Variants in NPAS2 observed in about 807,000 individuals in gnomAD.
NPAS2 encodes the protein neuronal PAS domain-containing protein 2.
In NPAS2, 23 loss-of-function variants were observed where a neutral mutation model predicts 107.5. The observed-to-expected ratio is 0.21, with a 90% confidence interval of 0.15 to 0.30. NPAS2 has a LOEUF of 0.30. NPAS2 is among the 10% of genes least tolerant of loss of function. NPAS2 has a pLI of 1.00. For missense variants in NPAS2, 756 were observed against 1,043.3 expected (o/e 0.72, Z 3.79); for synonymous variants, 403 against 417.5 (o/e 0.97, Z 0.42).
chr2:100,885,586 TTAAG>T (rs1207817451), intron 1 of NPAS2, among the ~76,000 whole-genome samples: 36 of 152,338 alleles, frequency 2.4e-4, no homozygotes, highest in Admixed American at 1.0e-3. Flanking sequence ...AATTGCTTAC[TTAAG>T]TAAGTCAAGT....
chr2:100,931,202 C>A (rs1010033019), intron 3 of NPAS2, among the ~76,000 whole-genome samples: 1 of 152,192 alleles, frequency 6.6e-6, no homozygotes. Flanking sequence ...CCTCCAGGGG[C>A]CCTCTCAGTG....
rs13418790 is a variant in NPAS2 at position 100,898,848 on chromosome 2, T to C, written c.-22-5885T>C. ...ACACATTGTGCATATTACATGTAAA[T>C]GTAACTAACATACCTCTTATGAGTG... On this transcript the variant is annotated intron_variant, in intron 1 of 20. Transcript: ENST00000335681. Among the ~76,000 whole-genome samples, 1,258 of 151,532 alleles carry C rather than the reference T, an allele frequency of 8.3e-3. 7 individuals carry two copies. Among genetic ancestry groups the C allele is most frequent in the African/African-American group, 0.029 (1,185 of 41,264 alleles).
intron 3 of NPAS2, among the ~76,000 whole-genome samples, chr2:100,925,975 G>A (rs1573635637): frequency 2.0e-5 from 3 of 152,038 alleles, no homozygotes; most frequent in Admixed American, 6.6e-5. Flanking sequence ...TGGCAACCAC[G>A]AATCTGTTTT....
intron 2 of NPAS2, among the ~76,000 whole-genome samples, chr2:100,910,503 A>AC (rs1285830687): frequency 2.1e-5 from 3 of 146,262 alleles, no homozygotes; most frequent in African/African-American, 7.5e-5. Flanking sequence ...TTTTCTCCCC[A>AC]CACAGCCAGA....
At chr2:100,937,969 A>G in intron 5 of NPAS2, 127 bp downstream of exon 5, 1 of 793,926 alleles carries the variant, frequency 1.3e-6, no homozygotes, top group South Asian at 1.4e-5. Flanking sequence ...CGGAGAGTAA[A>G]GGACTGCTGA....
At chr2:100,851,493 A>G (rs1179137363) in intron 1 of NPAS2, among the ~76,000 whole-genome samples, 1 of 152,226 alleles carries the variant, frequency 6.6e-6, no homozygotes, top group Non-Finnish European at 1.5e-5. Context: ...AGTAAGCCCA[A>G]CTCAAGGAAA....
At chr2:100,951,835 A>G (rs1191982202) in intron 7 of NPAS2, among the ~76,000 whole-genome samples, 1 of 152,054 alleles carries the variant, frequency 6.6e-6, no homozygotes, top group African/African-American at 2.4e-5. Flanking sequence ...AAACTTTGTT[A>G]TATGTGTTTT....
At chr2:100,895,344 G>A (rs1681340226) in intron 1 of NPAS2, among the ~76,000 whole-genome samples, 1 of 152,242 alleles carries the variant, frequency 6.6e-6, no homozygotes. Flanking sequence ...GCCAAACAGT[G>A]AGAAAAGCTC....
chr2:100,912,236 AT>A (rs1476039506), intron 2 of NPAS2, among the ~76,000 whole-genome samples: 4 of 107,020 alleles, frequency 3.7e-5, no homozygotes, highest in East Asian at 5.2e-4. Context: ...TTATTTATTT[AT>A]TTATTTATTT....
chr2:100,974,436 T>C (rs1325204091), intron 12 of NPAS2, among the ~76,000 whole-genome samples: 1 of 152,164 alleles, frequency 6.6e-6, no homozygotes, highest in Non-Finnish European at 1.5e-5. Context: ...GAGTTTACAG[T>C]CCACTGCCAG....
chr2:100,948,824 A>C (rs1236300796), intron 6 of NPAS2, among the ~76,000 whole-genome samples: 1 of 152,154 alleles, frequency 6.6e-6, no homozygotes, highest in Non-Finnish European at 1.5e-5. Context: ...TGTTCTGTGG[A>C]ATTCAGACGT....
upstream of NPAS2, among the ~76,000 whole-genome samples, chr2:100,818,782 G>A (rs1035243012): frequency 1.3e-5 from 2 of 152,250 alleles, no homozygotes; most frequent in Non-Finnish European, 2.9e-5. Flanking sequence ...CGCTCGGAGC[G>A]CTGCGCCAGG....
At chr2:100,904,652 C>T in intron 1 of NPAS2, 81 bp from the exon 2 acceptor site, 1 of 1,074,284 alleles carries the variant, frequency 9.3e-7, no homozygotes, top group Non-Finnish European at 1.4e-6. Context: ...AAAATGACAA[C>T]AACCTGAAAG....
chr2:100,926,881 T>C (rs545629951), intron 3 of NPAS2, among the ~76,000 whole-genome samples: 1 of 152,172 alleles, frequency 6.6e-6, no homozygotes, highest in East Asian at 1.9e-4. Flanking sequence ...TCTAAGGTAA[T>C]GAAGATTTAT....
intron 1 of NPAS2, among the ~76,000 whole-genome samples, chr2:100,837,163 A>G (rs1436031240): frequency 6.6e-6 from 1 of 152,176 alleles, no homozygotes; most frequent in Admixed American, 6.6e-5. Context: ...GCCTGAATTC[A>G]CTTGAGTTCG....
chr2:100,866,478 C>T (rs935942890), intron 1 of NPAS2, among the ~76,000 whole-genome samples: 1 of 152,192 alleles, frequency 6.6e-6, no homozygotes, highest in Non-Finnish European at 1.5e-5. Flanking sequence ...GTTAACCTGG[C>T]ATCAGGAGCA....
rs188143458 is a variant in NPAS2 at position 100,892,794 on chromosome 2, G to A, written c.-22-11939G>A. On this transcript the variant is annotated intron_variant, in intron 1 of 20. Transcript: ENST00000335681. ...GAATGCAGTGGCGTGATCTCAGCTC[G>A]TTGCGGCCTTTGGCTCAGGTTCGAG... 6.9e-3 allele frequency among the ~76,000 whole-genome samples: 1,056 copies of A among 152,208 alleles called. 4 individuals are homozygous for A. Among genetic ancestry groups the A allele is most frequent in the Non-Finnish European group, 8.3e-3 (566 of 68,004 alleles).
In NPAS2 at chr2:100,968,080, T is replaced by A. The variant is rs1676335532; in HGVS notation, c.908-201T>A. ...GCGTCTGAGCATTTGGGAAAGTATA[T>A]GGATCACTCTTCCACTGTTTAAGAA... On this transcript the variant is annotated intron_variant, in intron 10 of 20. Transcript: ENST00000335681. The surrounding 1 kb of genome is among the most constrained non-coding windows in gnomAD (Gnocchi z 5.3). Among the ~76,000 whole-genome samples the A allele has an allele frequency of 6.6e-6, 1 of 152,244 alleles. No homozygotes were observed. The highest frequency in any genetic ancestry group is 2.1e-4 in the South Asian group (1 of 4,832).
intron 19 of NPAS2, among the ~76,000 whole-genome samples, chr2:100,991,567 T>A (rs1678131889): frequency 6.6e-6 from 1 of 152,086 alleles, no homozygotes; most frequent in Non-Finnish European, 1.5e-5. Context: ...TGTAGAAGCC[T>A]CGCAGGCACC....
Sources: gnomAD v4.1 joint callset for allele counts (sites outside exome capture counted in the v4.1 genomes callset) on GRCh38, gnomAD v4.1.1 for gene constraint, Gnocchi (gnomAD v3.1) non-coding constraint, MANE v1.5 for transcripts, NCBI Gene and HGNC (gene_info 2026-07-23, HGNC 2026-07-21) for gene names.